RICTOR: variants seen among roughly 807,000 people sequenced by gnomAD.
The protein encoded by RICTOR is RPTOR independent companion of MTOR complex 2, also known as rapamycin-insensitive companion of mTOR.
In RICTOR, 49 loss-of-function variants were observed where a neutral mutation model predicts 214.9. The ratio of observed to expected loss-of-function variants is 0.23; its 90% confidence interval spans 0.18 to 0.29. The LOEUF (loss-of-function observed/expected upper bound fraction) is 0.29, where lower values mean the gene tolerates loss of function less well. RICTOR is among the 10% of genes least tolerant of loss of function. The pLI, the probability that RICTOR is intolerant of heterozygous loss-of-function variation, is 1.00. For missense variants in RICTOR, 1,625 were observed against 2,047.0 expected (o/e 0.79, Z 3.98); for synonymous variants, 717 against 711.3 (o/e 1.01, Z -0.13).
chr5:39,043,769 G>T (rs1757317955), intron 2 of RICTOR, among the ~76,000 whole-genome samples: 1 of 152,130 alleles, frequency 6.6e-6, no homozygotes, highest in African/African-American at 2.4e-5. Flanking sequence ...CTGTCCTCAT[G>T]AATGAGTTAT....
At chr5:38,951,966 CTT>C (rs1300787881) in intron 30 of RICTOR, among the ~76,000 whole-genome samples, 2 of 151,842 alleles carry the variant, frequency 1.3e-5, no homozygotes, top group Non-Finnish European at 2.9e-5. Flanking sequence ...TATTACATAA[CTT>C]TGTAGGAATC....
At chr5:39,030,359 A>G (rs1313755080) in intron 2 of RICTOR, among the ~76,000 whole-genome samples, 1 of 152,196 alleles carries the variant, frequency 6.6e-6, no homozygotes, top group Non-Finnish European at 1.5e-5. Flanking sequence ...TGATAACTCA[A>G]CAGGCCACTA....
Position 38,963,046 on chromosome 5 carries a change from T to C in RICTOR, c.1401-5A>G. On this transcript the variant is annotated splice_region_variant and splice_polypyrimidine_tract_variant and intron_variant, in intron 16 of 37. Coordinates refer to ENST00000357387, the MANE Select transcript of RICTOR (RefSeq NM_152756.5). Reference sequence around the variant, plus strand: ...TTCAAGGCTGCACTGGCTCGCCTAATGAGAAAAACAATTCAATCAATACAG... The same window carrying C: ...TTCAAGGCTGCACTGGCTCGCCTAACGAGAAAAACAATTCAATCAATACAG... 1 of 1,601,954 alleles carries C rather than the reference T, an allele frequency of 6.2e-7. No individual in the cohort carries two copies. Among genetic ancestry groups the C allele is most frequent in the Non-Finnish European group, 8.5e-7 (1 of 1,173,582 alleles).
At position 38,946,565 on chromosome 5, in the gene RICTOR, A is replaced by G; in HGVS notation, c.4315-13T>C. 6.6e-7 allele frequency: 1 copy of G among 1,511,770 alleles called. No individual in the cohort carries two copies. Among genetic ancestry groups the G allele is most frequent in the Non-Finnish European group, 9.2e-7 (1 of 1,087,104 alleles). The allele number at this position is 1,511,770 out of a possible 1,614,324, so 93.6% of individuals were successfully genotyped here. Reference sequence around the variant, plus strand: ...GAATATCCTTTACCTAAAAAAAGATATAAACCATGGTAAGTCCTGCTATAA... The same window carrying G: ...GAATATCCTTTACCTAAAAAAAGATGTAAACCATGGTAAGTCCTGCTATAA... On this transcript the variant is annotated splice_polypyrimidine_tract_variant and intron_variant, in intron 32 of 37. Transcript: ENST00000357387.
At chr5:39,020,454 T>C (rs1259767141) in intron 3 of RICTOR, among the ~76,000 whole-genome samples, 2 of 152,172 alleles carry the variant, frequency 1.3e-5, no homozygotes, top group Non-Finnish European at 2.9e-5. Context: ...GGCAAGTTCC[T>C]CTACCAACAA....
intron 11 of RICTOR, among the ~76,000 whole-genome samples, chr5:38,968,836 C>T (rs1315284737): frequency 1.3e-5 from 2 of 151,814 alleles, no homozygotes; most frequent in Non-Finnish European, 2.9e-5. Context: ...GTATACTGCC[C>T]CTGGAGACAT....
At chr5:38,951,982 A>C (rs1174076050) in intron 30 of RICTOR, among the ~76,000 whole-genome samples, 1 of 151,986 alleles carries the variant, frequency 6.6e-6, no homozygotes, top group Non-Finnish European at 1.5e-5. Context: ...AGGAATCCTC[A>C]AAAGCTACTT....
intron 5 of RICTOR, 135 bp downstream of exon 5, chr5:39,002,400 G>GTGTATA (rs1260505083): frequency 5.5e-6 from 2 of 364,890 alleles, no homozygotes; most frequent in South Asian, 4.3e-5. Flanking sequence ...GTGTGTGTGT[G>GTGTATA]TATATATATA....
At chr5:38,956,457 T>C (rs377394774) in intron 25 of RICTOR, among the ~76,000 whole-genome samples, 2 of 152,244 alleles carry the variant, frequency 1.3e-5, no homozygotes, top group Admixed American at 1.3e-4. Context: ...TCCAACTACA[T>C]TGGAATATGA....
chr5:39,016,775 G>T (rs1445058296), intron 3 of RICTOR, among the ~76,000 whole-genome samples: 2 of 152,104 alleles, frequency 1.3e-5, no homozygotes, highest in African/African-American at 4.8e-5. Context: ...GTCCAATGTG[G>T]TTAGTAGATA....
intron 2 of RICTOR, among the ~76,000 whole-genome samples, chr5:39,063,798 A>C (rs1758709905): frequency 6.6e-6 from 1 of 152,098 alleles, no homozygotes; most frequent in Admixed American, 6.6e-5. Flanking sequence ...GTTGACATTA[A>C]TAAAACCATT....
rs1750259832 is a variant in RICTOR, at chr5:38,966,739, T to TAAC, written c.1219-21_1219-19dup. 1 of 1,321,948 alleles carries TAAC rather than the reference T, an allele frequency of 7.6e-7. No individual in the cohort carries two copies. Among genetic ancestry groups the TAAC allele is most frequent in the African/African-American group, 1.5e-5 (1 of 67,848 alleles). The allele number at this position is 1,321,948 out of a possible 1,614,324, so 81.9% of individuals were successfully genotyped here. ...ACTAGACCCTTTGAAAATAAAAAGA[T>TAAC]AACACCACTGTTGCAAAATAATACA... On this transcript the variant is annotated intron_variant, in intron 14 of 37. Coordinates refer to ENST00000357387, the MANE Select transcript of RICTOR (RefSeq NM_152756.5).
chr5:38,983,350 C>T (rs1751883830), intron 7 of RICTOR, among the ~76,000 whole-genome samples: 1 of 152,036 alleles, frequency 6.6e-6, no homozygotes, highest in South Asian at 2.1e-4. Flanking sequence ...TCACATAGTC[C>T]TACTACCTAA....
Position 39,022,415 on chromosome 5 carries a change from T to G in RICTOR, c.98-1279A>C, listed in dbSNP as rs1755496787. ...TTCCCAGGCCTATTGCAAATACGGC[T>G]CTTGTCCCCTGCCAGGTGCTGCCAG... On this transcript the variant is annotated intron_variant, in intron 2 of 37. Transcript: ENST00000357387. 5 of 155,822 alleles carry G rather than the reference T, an allele frequency of 3.2e-5. No homozygotes were observed. The South Asian group carries it at 8.8e-4, about 28-fold the overall frequency. The allele number at this position is 155,822 out of a possible 1,614,324, so 9.7% of individuals were successfully genotyped here. A position where few individuals can be genotyped will look rare whatever the true frequency, so the allele number is the denominator to read the frequency against.
At chr5:38,997,024 T>C (rs546512270) in intron 5 of RICTOR, 142 bp from the exon 6 acceptor site, 2 of 618,758 alleles carry the variant, frequency 3.2e-6, no homozygotes, top group South Asian at 2.0e-5. Flanking sequence ...AGTACCAGCA[T>C]ATATTTATTT....
intron 31 of RICTOR, 76 bp from the exon 32 acceptor site, chr5:38,947,517 T>G (rs920132935): frequency 3.8e-6 from 4 of 1,050,550 alleles, no homozygotes; most frequent in Non-Finnish European, 5.6e-6. Flanking sequence ...ATAACATATA[T>G]TCCTACCTTC....
chr5:38,941,117 A>G lies in RICTOR; in HGVS notation c.*1187T>C, dbSNP rs1031923547. The G allele has an allele frequency of 8.6e-6, 2 of 232,864 alleles. No homozygotes were observed. The highest frequency in any genetic ancestry group is 4.4e-5 in the African/African-American group (2 of 45,338). The allele number at this position is 232,864 out of a possible 1,614,324, so 14.4% of individuals were successfully genotyped here. A position where few individuals can be genotyped will look rare whatever the true frequency, so the allele number is the denominator to read the frequency against. On this transcript the variant is annotated 3_prime_UTR_variant, in exon 38 of 38. Transcript: ENST00000357387. Reference sequence around the variant, plus strand: ...AAAAGTTCCAAATACCTTTAGACATATACAAATTAAACAAACAAAAACCTT... The same window carrying G: ...AAAAGTTCCAAATACCTTTAGACATGTACAAATTAAACAAACAAAAACCTT...
chr5:38,966,931 G>T, intron 14 of RICTOR: 1 of 594,212 alleles, frequency 1.7e-6, no homozygotes, highest in Non-Finnish European at 3.0e-6. Flanking sequence ...CTCCTGAGTA[G>T]CTGGGACTAC....
intron 6 of RICTOR, among the ~76,000 whole-genome samples, chr5:38,995,732 T>C (rs1168350222): frequency 6.6e-6 from 1 of 151,874 alleles, no homozygotes; most frequent in East Asian, 1.9e-4. Context: ...GAAACAAATT[T>C]TGTTTTATCT....
Sources: gnomAD v4.1 joint callset for allele counts (sites outside exome capture counted in the v4.1 genomes callset) on GRCh38, gnomAD v4.1.1 for gene constraint, MANE v1.5 for transcripts, NCBI Gene and HGNC (gene_info 2026-07-23, HGNC 2026-07-21) for gene names.